NUP93: variants seen among roughly 807,000 people sequenced by gnomAD.
NUP93 encodes the protein nucleoporin 93, also known as nuclear pore complex protein Nup93.
In NUP93, 55 loss-of-function variants were observed where a neutral mutation model predicts 107.8. The ratio of observed to expected loss-of-function variants is 0.51; its 90% CI spans 0.41 to 0.64. The LOEUF is 0.64. Among genes scored for constraint, NUP93 ranks in the 30% least tolerant of loss-of-function variants. NUP93 has a pLI of 0.00. For missense variants in NUP93, 937 were observed against 1,044.7 expected (o/e 0.90, Z 1.42); for synonymous variants, 390 against 397.5 (o/e 0.98, Z 0.22).
intron 3 of NUP93, chr16:56,781,958 T>C: frequency 1.0e-6 from 1 of 985,312 alleles, no homozygotes; most frequent in Non-Finnish European, 1.2e-6. Context: ...TGCAATCTCA[T>C]TGTTTAATTT....
intron 1 of NUP93, among the ~76,000 whole-genome samples, 156 bp downstream of exon 1, chr16:56,730,367 C>T (rs902425069): frequency 1.3e-5 from 2 of 152,204 alleles, no homozygotes; most frequent in Non-Finnish European, 2.9e-5. Context: ...GCCGGCGACA[C>T]AACGCCTTGT....
At chr16:56,782,856 C>T (rs1324520784) in intron 3 of NUP93, among the ~76,000 whole-genome samples, 1 of 152,140 alleles carries the variant, frequency 6.6e-6, no homozygotes, top group Admixed American at 6.5e-5. Flanking sequence ...TAAGTATTTA[C>T]TAAATATTGG....
At chr16:56,787,716 A>G (rs1202701571) in intron 3 of NUP93, among the ~76,000 whole-genome samples, 3 of 152,162 alleles carry the variant, frequency 2.0e-5, no homozygotes, top group African/African-American at 7.2e-5. Flanking sequence ...AAAGGCCACT[A>G]TTGATGCATT....
rs547349567 is a variant in NUP93 at position 56,735,549 on chromosome 16, A to C, written c.-15+5338A>C. The stretch of plus-strand genomic sequence containing the variant: ...TTTGAGCAGGGGCAACAGCCGTGTC[A>C]GAAAGAGAGATGGGGTCGGGCGCAG... On this transcript the variant is annotated intron_variant, in intron 1 of 21. Transcript: ENST00000308159. Among the ~76,000 whole-genome samples the C allele has an allele frequency of 3.5e-4, 54 of 152,358 alleles. 2 individuals carry two copies. In the East Asian group the frequency reaches 0.01, roughly 28 times the overall value.
intron 21 of NUP93, 24 bp from the exon 22 acceptor site, chr16:56,844,475 T>A: frequency 7.4e-7 from 1 of 1,356,778 alleles, no homozygotes; most frequent in Non-Finnish European, 9.8e-7. Flanking sequence ...CCGATTTCCT[T>A]CCCTTCCTTC....
intron 3 of NUP93, among the ~76,000 whole-genome samples, chr16:56,771,585 T>C (rs1318040277): frequency 6.6e-5 from 10 of 152,194 alleles, no homozygotes; most frequent in African/African-American, 2.4e-4. Flanking sequence ...ATTTATTCCC[T>C]CCAGCACGAA....
intron 3 of NUP93, among the ~76,000 whole-genome samples, chr16:56,767,070 AG>A (rs1962228750): frequency 6.6e-6 from 1 of 152,238 alleles, no homozygotes; most frequent in Non-Finnish European, 1.5e-5. Flanking sequence ...GTGTTCCCCA[AG>A]CCCAGGTTGC....
chr16:56,754,012 T>C (rs1167121115), intron 2 of NUP93, among the ~76,000 whole-genome samples: 3 of 151,952 alleles, frequency 2.0e-5, no homozygotes, highest in Non-Finnish European at 4.4e-5. Context: ...TTTAATTGAT[T>C]CACATTTTCA....
chr16:56,756,294 T>TTGGGG, intron 2 of NUP93, among the ~76,000 whole-genome samples: 1 of 56,422 alleles, frequency 1.8e-5, no homozygotes, highest in Admixed American at 2.0e-4. Context: ...TCTCTCTCCT[T>TTGGGG]GCCCCCCCCC....
chr16:56,740,472 G>T (rs1268368806), intron 1 of NUP93, among the ~76,000 whole-genome samples: 2 of 150,918 alleles, frequency 1.3e-5, no homozygotes, highest in Non-Finnish European at 3.0e-5. Flanking sequence ...TGTGATGGCG[G>T]CTGGGAAGAG....
chr16:56,738,676 GTT>G (rs1961650966), intron 1 of NUP93, among the ~76,000 whole-genome samples: 1 of 152,066 alleles, frequency 6.6e-6, no homozygotes, highest in East Asian at 1.9e-4. Flanking sequence ...TTTTTTTGGG[GTT>G]GTTGTTGTAA....
rs1435277459 is a variant in NUP93 at position 56,850,274 on chromosome 16, T to A, written c.*5665T>A. On this transcript the variant is annotated 3_prime_UTR_variant, in exon 22 of 22. Coordinates refer to ENST00000308159, the MANE Select transcript of NUP93 (RefSeq NM_014669.5). ...CTATCCCTGTCTGTAGCCAGTAAAT[T>A]TCTGGAATATTCTCCCAGAGTGCCA... 2 of 152,300 alleles carry A rather than the reference T, an allele frequency of 1.3e-5. No individual in the cohort carries two copies. Among genetic ancestry groups the A allele is most frequent in the Non-Finnish European group, 2.9e-5 (2 of 68,100 alleles). 9.4% of individuals were successfully genotyped at this position (152,300 alleles called of 1,614,324 possible). A position where few individuals can be genotyped will look rare whatever the true frequency, so the allele number is the denominator to read the frequency against.
rs1307235247 is a variant in NUP93 at position 56,832,372 on chromosome 16, G to A, written c.1329G>A (p.Gln443=). The change falls in exon 12 of 22, where the codon CAG becomes CAA. Residue 443 remains glutamine (Q), a synonymous_variant. Coordinates refer to ENST00000308159, the MANE Select transcript of NUP93 (RefSeq NM_014669.5). ...DRLTLSQFQK[Q]LLEDYGESHF... is the part of the protein sequence containing the mutation. The stretch of plus-strand genomic sequence containing the variant: ...TCACTCTCTCACAGTTCCAGAAGCA[G>A]TTGTTGGAAGACTATGGTAAGATTC... 6.2e-7 allele frequency: 1 copy of A among 1,613,804 alleles called. No homozygotes were observed. Among genetic ancestry groups the A allele is most frequent in the South Asian group, 1.1e-5 (1 of 91,070 alleles).
In NUP93 at chr16:56,836,712, G is replaced by A. The variant is rs1286184985; in HGVS notation, c.1894G>A (p.Ala632Thr). The change falls in exon 17 of 22, where the codon GCC becomes ACC. Residue 632 changes from alanine to threonine, a missense_variant. Ala to Thr is a moderately conservative substitution (Grantham distance 58). Coordinates refer to ENST00000308159, the MANE Select transcript of NUP93 (RefSeq NM_014669.5). The stretch of plus-strand genomic sequence containing the variant: ...AGAGGCAGCAAAGCTGTATGACCTT[G>A]CCAAGGTAAAGTGTGCCCACTTCCT... ...FEEAAKLYDL[A>T]KNADKVLELM... is the part of the protein sequence containing the mutation. The A allele has an allele frequency of 9.3e-6, 15 of 1,608,330 alleles. No individual in the cohort carries two copies. Among genetic ancestry groups the A allele is most frequent in the Non-Finnish European group, 1.2e-5 (14 of 1,175,510 alleles).
intron 1 of NUP93, among the ~76,000 whole-genome samples, chr16:56,739,421 C>T (rs1425150554): frequency 0.011 from 286 of 25,814 alleles, no homozygotes; most frequent in East Asian, 0.054. Context: ...CCCTCCCGGA[C>T]GGGGCGGCTG....
chr16:56,761,943 C>T (rs1448168426), intron 3 of NUP93, among the ~76,000 whole-genome samples: 1 of 152,010 alleles, frequency 6.6e-6, no homozygotes, highest in African/African-American at 2.4e-5. Flanking sequence ...ATTAAAGAAA[C>T]GCCACTTAAA....
At chr16:56,765,599 C>T (rs1336801551) in intron 3 of NUP93, among the ~76,000 whole-genome samples, 1 of 152,224 alleles carries the variant, frequency 6.6e-6, no homozygotes, top group Admixed American at 6.5e-5. Flanking sequence ...GACATTACAT[C>T]TTACTGTGCC....
chr16:56,750,046 G>C (rs1961890839), intron 2 of NUP93, among the ~76,000 whole-genome samples: 1 of 152,242 alleles, frequency 6.6e-6, no homozygotes, highest in South Asian at 2.1e-4. Flanking sequence ...AAAGGCCCAT[G>C]ATGCCATCTT....
intron 5 of NUP93, among the ~76,000 whole-genome samples, chr16:56,807,198 G>A (rs958408942): frequency 1.7e-4 from 26 of 152,158 alleles, no homozygotes; most frequent in Admixed American, 1.1e-3. Flanking sequence ...CCCTGCTTCT[G>A]CCTCCAGTCC....
Sources: gnomAD v4.1 joint callset for allele counts (sites outside exome capture counted in the v4.1 genomes callset) on GRCh38, gnomAD v4.1.1 for gene constraint, MANE v1.5 for transcripts, NCBI Gene and HGNC (gene_info 2026-07-23, HGNC 2026-07-21) for gene names.